PAK5: variants seen among roughly 807,000 people sequenced by gnomAD.
PAK5 encodes the protein serine/threonine-protein kinase PAK 5.
Under a neutral mutation model 65.9 loss-of-function variants are expected in PAK5, and 16 were observed. That is an observed-to-expected ratio of 0.24 (90% CI 0.16 to 0.37). The LOEUF is 0.37. PAK5 is among the 10% of genes least tolerant of loss of function. The pLI is 1.00. For synonymous variants in PAK5, 371 were observed against 354.9 expected (o/e 1.05, Z -0.51); for missense variants, 785 against 903.9 (o/e 0.87, Z 1.69).
At position 9,721,027 on chromosome 20, in the gene PAK5, G is replaced by A. The variant is rs184217921; in HGVS notation, c.-161-9592C>T. Among the ~76,000 whole-genome samples, 43 of 152,246 alleles carry A rather than the reference G, an allele frequency of 2.8e-4. No individual in the cohort carries two copies. In the East Asian group the frequency reaches 7.3e-3, roughly 26 times the overall value. ...TGGAAATGTTTTGGAATTAGATAGAGGTGGTAGTTGCACAACTTTTTGAAT... is the reference window on the plus strand; with the variant it reads ...TGGAAATGTTTTGGAATTAGATAGAAGTGGTAGTTGCACAACTTTTTGAAT... On this transcript the variant is annotated intron_variant, in intron 1 of 9. Coordinates refer to ENST00000353224, the MANE Select transcript of PAK5 (RefSeq NM_177990.4).
At chr20:9,764,163 G>C (rs2048730661) in intron 1 of PAK5, among the ~76,000 whole-genome samples, 1 of 152,042 alleles carries the variant, frequency 6.6e-6, no homozygotes, top group African/African-American at 2.4e-5. Flanking sequence ...CATCATTCTT[G>C]ATCTCCTTTC....
intron 1 of PAK5, among the ~76,000 whole-genome samples, chr20:9,732,070 A>G (rs1238633689): frequency 6.6e-6 from 1 of 152,178 alleles, no homozygotes; most frequent in Non-Finnish European, 1.5e-5. Context: ...TAAATGATCT[A>G]TAGATACATT....
At chr20:9,836,366 T>C (rs111925318) in intron 1 of PAK5, among the ~76,000 whole-genome samples, 3 of 152,278 alleles carry the variant, frequency 2.0e-5, no homozygotes, top group Middle Eastern at 3.4e-3. Context: ...GAACAGGTCC[T>C]AAATCCAATA....
chr20:9,640,331 G>C (rs2047037863), intron 3 of PAK5, among the ~76,000 whole-genome samples: 1 of 150,786 alleles, frequency 6.6e-6, no homozygotes, highest in South Asian at 2.1e-4. Flanking sequence ...TTGTCCTTGT[G>C]ATAGTTTGCT....
chr20:9,730,471 G>A (rs2048324635), intron 1 of PAK5, among the ~76,000 whole-genome samples: 1 of 152,120 alleles, frequency 6.6e-6, no homozygotes, highest in Admixed American at 6.6e-5. Flanking sequence ...AGTTACATAA[G>A]AAACTTAGGA....
chr20:9,818,732 A>C (rs1050373796), intron 1 of PAK5: 1 of 152,212 alleles, frequency 6.6e-6, no homozygotes. Context: ...GGTCCAGAAG[A>C]CAGTCATTAA....
intron 6 of PAK5, 108 bp downstream of exon 6, chr20:9,562,783 C>T (rs2045610928): frequency 1.1e-6 from 1 of 943,730 alleles, no homozygotes. Flanking sequence ...AGTCATATTC[C>T]CTGACTCCAA....
At chr20:9,758,939 T>A (rs1364224347) in intron 1 of PAK5, among the ~76,000 whole-genome samples, 1 of 152,094 alleles carries the variant, frequency 6.6e-6, no homozygotes, top group African/African-American at 2.4e-5. Flanking sequence ...GGCTCAGGTT[T>A]CAGAGCCCAC....
In PAK5 at chr20:9,704,081, A is replaced by G. The variant is rs371838147; in HGVS notation, c.-12+7205T>C. Among the ~76,000 whole-genome samples, 13 of 152,254 alleles carry G rather than the reference A, an allele frequency of 8.5e-5. No homozygotes were observed. In the East Asian group the frequency reaches 2.5e-3, roughly 29 times the overall value. On this transcript the variant is annotated intron_variant, in intron 2 of 9. Coordinates refer to ENST00000353224, the MANE Select transcript of PAK5 (RefSeq NM_177990.4). ...AAGGTCCTCAAGCTCATCCATCCAAATGAACTCATCCCACGTCTCCTTATT... is the reference window on the plus strand; with the variant it reads ...AAGGTCCTCAAGCTCATCCATCCAAGTGAACTCATCCCACGTCTCCTTATT...
At chr20:9,773,523 T>C (rs1432261280) in intron 1 of PAK5, among the ~76,000 whole-genome samples, 1 of 152,134 alleles carries the variant, frequency 6.6e-6, no homozygotes, top group Non-Finnish European at 1.5e-5. Flanking sequence ...ACCCTTCTTA[T>C]AACTAGTTCA....
At chr20:9,759,769 G>GA (rs2048677426) in intron 1 of PAK5, among the ~76,000 whole-genome samples, 1 of 152,172 alleles carries the variant, frequency 6.6e-6, no homozygotes, top group Non-Finnish European at 1.5e-5. Flanking sequence ...GAGGCAGGAA[G>GA]AGAATGTTGC....
At chr20:9,593,125 T>A (rs1304947507) in intron 3 of PAK5, among the ~76,000 whole-genome samples, 2 of 151,176 alleles carry the variant, frequency 1.3e-5, no homozygotes, top group East Asian at 3.9e-4. Context: ...CATAGCTAGA[T>A]CCCTTTTTTT....
chr20:9,659,270 C>T (rs191373315), intron 2 of PAK5, among the ~76,000 whole-genome samples: 24 of 152,290 alleles, frequency 1.6e-4, no homozygotes, highest in African/African-American at 5.5e-4. Flanking sequence ...AAAACTGATG[C>T]ATAGGAATTT....
chr20:9,714,398 T>C (rs2048116381), intron 1 of PAK5, among the ~76,000 whole-genome samples: 1 of 152,164 alleles, frequency 6.6e-6, no homozygotes, highest in African/African-American at 2.4e-5. Flanking sequence ...GGTCCATACT[T>C]AGTTCCTTGT....
rs1979315958 is a variant in PAK5, at chr20:9,838,257, C to G, written c.-162+505G>C. Among the ~76,000 whole-genome samples the G allele has an allele frequency of 6.6e-6, 1 of 152,156 alleles. No individual in the cohort carries two copies. Among genetic ancestry groups the G allele is most frequent in the Admixed American group, 6.5e-5 (1 of 15,282 alleles). On this transcript the variant is annotated intron_variant, in intron 1 of 9. Coordinates refer to ENST00000353224, the MANE Select transcript of PAK5 (RefSeq NM_177990.4). The surrounding 1 kb of genome is among the most constrained non-coding windows in gnomAD (Gnocchi z 4.5). ...AGGAAAACACAGCCTCATAAAGGCT[C>G]AGCTATTGCATCCTCCAGTCCACAC...
intron 9 of PAK5, among the ~76,000 whole-genome samples, 176 bp downstream of exon 9, chr20:9,542,410 C>G (rs1289940335): frequency 6.6e-6 from 1 of 152,222 alleles, no homozygotes; most frequent in Admixed American, 6.5e-5. Context: ...GGCTGAGTCA[C>G]TTGCCCAGTA....
At chr20:9,829,032 C>T (rs1461952136) in intron 1 of PAK5, among the ~76,000 whole-genome samples, 7 of 152,196 alleles carry the variant, frequency 4.6e-5, no homozygotes, top group Non-Finnish European at 1.0e-4. Flanking sequence ...GGCCAATTTA[C>T]CTTTATCATC....
chr20:9,712,785 T>C (rs2423433), intron 1 of PAK5, among the ~76,000 whole-genome samples: 3 of 151,798 alleles, frequency 2.0e-5, no homozygotes, highest in Non-Finnish European at 4.4e-5. Flanking sequence ...GTCTGTTTAA[T>C]AAATGATGCT....
chr20:9,602,063 C>T (rs958191949), intron 3 of PAK5, among the ~76,000 whole-genome samples: 11 of 152,026 alleles, frequency 7.2e-5, no homozygotes, highest in South Asian at 2.1e-4. Flanking sequence ...GAGGCCGAGG[C>T]GGGAGGATCA....
Sources: gnomAD v4.1 joint callset for allele counts (sites outside exome capture counted in the v4.1 genomes callset) on GRCh38, gnomAD v4.1.1 for gene constraint, Gnocchi (gnomAD v3.1) non-coding constraint, MANE v1.5 for transcripts, NCBI Gene and HGNC (gene_info 2026-07-23, HGNC 2026-07-21) for gene names.